The following ZNF831 variants were observed in gnomAD, a reference collection of about 807,000 sequenced individuals.
ZNF831 encodes the protein zinc finger protein 831.
Under a neutral mutation model 95.8 loss-of-function variants are expected in ZNF831, and 59 were observed. That is an observed-to-expected ratio of 0.62 (90% CI 0.50 to 0.77). The LOEUF (loss-of-function observed/expected upper bound fraction) is 0.77, where lower values mean the gene tolerates loss of function less well. Among genes scored for constraint, ZNF831 ranks in the 30% least tolerant of loss-of-function variants. ZNF831 has a pLI of 0.00. For missense variants in ZNF831, 2,205 were observed against 2,164.0 expected (o/e 1.02, Z -0.38); for synonymous variants, 961 against 925.5 (o/e 1.04, Z -0.70).
intron 4 of ZNF831, among the ~76,000 whole-genome samples, chr20:59,246,509 A>G (rs1987616135): frequency 6.6e-6 from 1 of 152,172 alleles, no homozygotes. Context: ...CAATCTTTCA[A>G]ATGGCATTTT....
chr20:59,239,751 G>A (rs1987213645), intron 4 of ZNF831, among the ~76,000 whole-genome samples: 1 of 152,084 alleles, frequency 6.6e-6, no homozygotes, highest in African/African-American at 2.4e-5. Context: ...CACCATGTTG[G>A]CCAGGCTGGT....
In ZNF831 at chr20:59,178,047, C is replaced by T. The variant is rs541079667; in HGVS notation, c.-36-12937C>T. 1.2e-4 allele frequency among the ~76,000 whole-genome samples: 19 copies of T among 152,200 alleles called. 1 individual carries two copies. The highest frequency in any genetic ancestry group is 3.4e-3 in the Middle Eastern group (1 of 294). ...TTCCTGGTTTAATCAACAGATGCGGCGAGAAGCTTGTATTTTTGGCACATG... is the reference window on the plus strand; with the variant it reads ...TTCCTGGTTTAATCAACAGATGCGGTGAGAAGCTTGTATTTTTGGCACATG... On this transcript the variant is annotated intron_variant, in intron 1 of 5. Transcript: ENST00000371030.
At chr20:59,171,854 C>T (rs765581072) in intron 1 of ZNF831, among the ~76,000 whole-genome samples, 7 of 152,216 alleles carry the variant, frequency 4.6e-5, no homozygotes, top group Non-Finnish European at 1.0e-4. Context: ...CTTCCTTGAC[C>T]TCAGCTGCCC....
chr20:59,192,177 A>AGGGGCC lies in ZNF831; in HGVS notation c.1160_1165dup (p.Gly387_Ala388dup). The AGGGGCC allele has an allele frequency of 6.4e-7, 1 of 1,564,280 alleles. No individual in the cohort carries two copies. The highest frequency in any genetic ancestry group is 8.6e-7 in the Non-Finnish European group (1 of 1,159,064). ...GCCCGGGCCCGGGGCCAGGGGTCGC[A>AGGGGCC]GGGGCCGAGCCCGGGGCGCGAGAAG... On this transcript the variant is annotated inframe_insertion, in exon 2 of 6. Coordinates refer to ENST00000371030, the MANE Select transcript of ZNF831 (RefSeq NM_178457.3). The surrounding 1 kb of genome is among the most constrained non-coding windows in gnomAD (Gnocchi z 5.2).
intron 4 of ZNF831, among the ~76,000 whole-genome samples, chr20:59,209,759 G>A (rs1568771047): frequency 7.6e-6 from 1 of 131,324 alleles, no homozygotes; most frequent in Non-Finnish European, 1.5e-5. Flanking sequence ...GGCTTCTGGG[G>A]CCTCCAGCTA....
In ZNF831 at chr20:59,257,783, A is replaced by G. The variant is rs1988250729; in HGVS notation, c.*3040A>G. ...ACCAACTGATGCCTCAGTTTCTTCC[A>G]CAGAGAATAGTTAGAGGGATGCTGT... On this transcript the variant is annotated 3_prime_UTR_variant, in exon 6 of 6. Transcript: ENST00000371030. 1 of 152,174 alleles carries G rather than the reference A, an allele frequency of 6.6e-6. No individual in the cohort carries two copies. The highest frequency in any genetic ancestry group is 2.1e-4 in the South Asian group (1 of 4,826). 9.4% of individuals were successfully genotyped at this position (152,174 alleles called of 1,614,324 possible).
At chr20:59,253,181 T>C (rs774491148) in intron 5 of ZNF831, 43 bp downstream of exon 5, 1 of 1,606,394 alleles carries the variant, frequency 6.2e-7, no homozygotes, top group Non-Finnish European at 8.5e-7. Context: ...ATTCCTGGTC[T>C]AGATGTATAG....
At chr20:59,127,116 G>A (rs564661627) in intron 1 of ZNF831, among the ~76,000 whole-genome samples, 96 of 120,174 alleles carry the variant, frequency 8.0e-4, no homozygotes, top group Middle Eastern at 7.7e-3. Context: ...CTTGGGCCCC[G>A]GGCAAAACTC....
At chr20:59,136,301 C>A (rs527746069) in intron 1 of ZNF831, among the ~76,000 whole-genome samples, 10 of 152,330 alleles carry the variant, frequency 6.6e-5, no homozygotes, top group African/African-American at 1.9e-4. Flanking sequence ...CATGTGATTA[C>A]TTCAGCCCCA....
chr20:59,247,976 A>G (rs1475468948), intron 4 of ZNF831, among the ~76,000 whole-genome samples: 2 of 152,196 alleles, frequency 1.3e-5, no homozygotes. Context: ...TTTTCTTTCT[A>G]AGTATTTTAC....
rs940984851 is a variant in ZNF831, at chr20:59,255,838, C to T, written c.*1095C>T. On this transcript the variant is annotated 3_prime_UTR_variant, in exon 6 of 6. Coordinates refer to ENST00000371030, the MANE Select transcript of ZNF831 (RefSeq NM_178457.3). ...AAATCAGCCTCTGTATTGTGCACGTCAGAACTGCACAGAGAAAATTCCCCA... is the reference window on the plus strand; with the variant it reads ...AAATCAGCCTCTGTATTGTGCACGTTAGAACTGCACAGAGAAAATTCCCCA... 27 of 152,132 alleles carry T rather than the reference C, an allele frequency of 1.8e-4. No homozygotes were observed. The highest frequency in any genetic ancestry group is 4.8e-4 in the African/African-American group (20 of 41,428). The allele number at this position is 152,132 out of a possible 1,614,324, so 9.4% of individuals were successfully genotyped here.
At chr20:59,141,046 C>T (rs529318018) in intron 1 of ZNF831, among the ~76,000 whole-genome samples, 9 of 152,208 alleles carry the variant, frequency 5.9e-5, no homozygotes, top group South Asian at 2.1e-4. Flanking sequence ...ATTATAGGTG[C>T]GCACCACCAC....
Position 59,253,883 on chromosome 20 carries a change from TGC to T in ZNF831, c.4189-14_4189-13del. ...CTCCCCCCCCACTTTTTTTTTCCTT[TGC>T]ACTTTGTTGCAGGATATTTCTCCAT... On this transcript the variant is annotated splice_polypyrimidine_tract_variant and intron_variant, in intron 5 of 5. Coordinates refer to ENST00000371030, the MANE Select transcript of ZNF831 (RefSeq NM_178457.3). The T allele has an allele frequency of 2.0e-6, 2 of 987,008 alleles. No individual in the cohort carries two copies. Among genetic ancestry groups the T allele is most frequent in the Non-Finnish European group, 1.4e-6 (1 of 711,660 alleles). The allele number at this position is 987,008 out of a possible 1,614,324, so 61.1% of individuals were successfully genotyped here. A position where few individuals can be genotyped will look rare whatever the true frequency, so the allele number is the denominator to read the frequency against.
chr20:59,206,881 C>T (rs370432236), intron 3 of ZNF831, 24 bp from the exon 4 acceptor site: 1 of 1,608,014 alleles, frequency 6.2e-7, no homozygotes, highest in African/African-American at 1.3e-5. Flanking sequence ...CTGGTTACTG[C>T]AAGCATGCTT....
At chr20:59,220,468 A>G (rs113026826) in intron 4 of ZNF831, among the ~76,000 whole-genome samples, 2,405 of 152,306 alleles carry the variant, frequency 0.016, 18 homozygotes, top group South Asian at 0.03. Context: ...GGGGAGAAGT[A>G]ACTTTAGGGG....
chr20:59,141,108 C>G (rs1979664475), intron 1 of ZNF831, among the ~76,000 whole-genome samples: 3 of 152,194 alleles, frequency 2.0e-5, no homozygotes, highest in Admixed American at 2.0e-4. Flanking sequence ...CCATGTTGGC[C>G]AGGCTGGTCT....
In ZNF831 at chr20:59,192,565, T is replaced by G. The variant is rs1265415682; in HGVS notation, c.1546T>G (p.Trp516Gly). 6.6e-7 allele frequency: 1 copy of G among 1,519,512 alleles called. No homozygotes were observed. The allele number at this position is 1,519,512 out of a possible 1,614,324, so 94.1% of individuals were successfully genotyped here. The change falls in exon 2 of 6, where the codon TGG becomes GGG. Residue 516 changes from tryptophan to glycine, a missense_variant. Physicochemically the swap from Trp to Gly is radical, Grantham distance 184. Coordinates refer to ENST00000371030, the MANE Select transcript of ZNF831 (RefSeq NM_178457.3). This position sits in a 1 kb window ranked among gnomAD's most constrained non-coding sequence, Gnocchi z 5.2. ...SLPFVEGSRT[W>G]LEPREPRDPW... The stretch of plus-strand genomic sequence containing the variant: ...GCCCTTCGTCGAGGGCTCCAGGACG[T>G]GGCTGGAGCCCAGGGAGCCCCGGGA...
intron 1 of ZNF831, among the ~76,000 whole-genome samples, chr20:59,173,491 A>G (rs143676407): frequency 6.6e-6 from 1 of 152,336 alleles, no homozygotes; most frequent in Non-Finnish European, 1.5e-5. Context: ...AATCCATTTC[A>G]TACCACATCC....
Position 59,194,576 on chromosome 20 carries a change from G to A in ZNF831, c.3557G>A (p.Cys1186Tyr). The A allele has an allele frequency of 6.2e-7, 1 of 1,609,218 alleles. No individual in the cohort carries two copies. The highest frequency in any genetic ancestry group is 8.5e-7 in the Non-Finnish European group (1 of 1,177,380). ...AAGGCTGAGCCGCGGCTCACGTGGT[G>A]TTGCCTGAGCCGCAGTGTCCCTCTG... Reference protein sequence around the residue: ...SLKAEPRLTWCCLSRSVPLPA... With the variant: ...SLKAEPRLTWYCLSRSVPLPA... The change falls in exon 2 of 6, where the codon TGT (cysteine) becomes TAT (tyrosine). Residue 1186 changes from cysteine (C) to tyrosine (Y), a missense_variant. Physicochemically the swap from Cys to Tyr is radical, Grantham distance 194. Coordinates refer to ENST00000371030, the MANE Select transcript of ZNF831 (RefSeq NM_178457.3).
Sources: allele counts gnomAD v4.1 joint callset (sites outside exome capture counted in the v4.1 genomes callset), GRCh38; gene constraint gnomAD v4.1.1; non-coding constraint Gnocchi (gnomAD v3.1); transcripts MANE v1.5; gene names NCBI Gene and HGNC (gene_info 2026-07-23, HGNC 2026-07-21).